DSG2: variants seen among roughly 807,000 people sequenced by gnomAD.
DSG2 encodes desmoglein 2, also known as desmoglein-2.
DSG2 carries 45 observed loss-of-function variants against 75.6 expected under a neutral mutation model. The ratio of observed to expected loss-of-function variants is 0.60; its 90% CI spans 0.47 to 0.76. The LOEUF is 0.76. DSG2 is among the 30% of genes least tolerant of loss of function. The pLI is 0.00. For synonymous variants in DSG2, 429 were observed against 483.9 expected, an observed-to-expected ratio of 0.89 and a Z score of 1.49; for missense variants, 1,267 against 1,357.4, an observed-to-expected ratio of 0.93 and a Z score of 1.05.
intron 1 of DSG2, among the ~76,000 whole-genome samples, chr18:31,516,562 T>C (rs548625745): frequency 4.0e-4 from 61 of 152,192 alleles, no homozygotes; most frequent in Non-Finnish European, 5.0e-4. Flanking sequence ...GAAAGGGTTG[T>C]TAACAGATGG....
rs1401989076 is a variant in DSG2, at chr18:31,498,202, A to C, written c.-50A>C. The C allele has an allele frequency of 8.1e-7, 1 of 1,232,216 alleles. No homozygotes were observed. 76.3% of individuals were successfully genotyped at this position (1,232,216 alleles called of 1,614,324 possible). A position where few individuals can be genotyped will look rare whatever the true frequency, so the allele number is the denominator to read the frequency against. ...GAGGAGCCGAGTGCGCGCTCGGGGCAGGCGGCGGCGCGGAGCGGTGCGGCG... is the reference window on the plus strand; with the variant it reads ...GAGGAGCCGAGTGCGCGCTCGGGGCCGGCGGCGGCGCGGAGCGGTGCGGCG... On this transcript the variant is annotated 5_prime_UTR_variant, in exon 1 of 15. Coordinates refer to ENST00000261590, the MANE Select transcript of DSG2 (RefSeq NM_001943.5).
chr18:31,541,796 T>G (rs1012579654), intron 13 of DSG2, among the ~76,000 whole-genome samples: 1 of 152,216 alleles, frequency 6.6e-6, no homozygotes. Context: ...CCATCTGTTA[T>G]GAGCACCATT....
chr18:31,525,001 C>G, intron 8 of DSG2, 113 bp downstream of exon 8: 1 of 1,022,258 alleles, frequency 9.8e-7, no homozygotes, highest in Non-Finnish European at 1.5e-6. Context: ...TTAACTAGCA[C>G]TACAGTTGTT....
At position 31,523,562 on chromosome 18, in the gene DSG2, T is replaced by G. The variant is rs189982900; in HGVS notation, c.691-886T>G. ...TAGAATGGAAAAGTGTTACTTTGCA[T>G]TAGTAGTGTGATTTTAAACAAGCTG... is the stretch of plus-strand genomic sequence containing the variant. On this transcript the variant is annotated intron_variant, in intron 6 of 14. Transcript: ENST00000261590. 4.6e-5 allele frequency among the ~76,000 whole-genome samples: 7 copies of G among 152,306 alleles called. No individual in the cohort carries two copies. The East Asian group carries it at 1.3e-3, about 29-fold the overall frequency.
intron 9 of DSG2, among the ~76,000 whole-genome samples, chr18:31,533,223 A>T (rs1423611910): frequency 6.6e-6 from 1 of 152,148 alleles, no homozygotes; most frequent in East Asian, 1.9e-4. Context: ...GCATCTCAGC[A>T]CTCAAGAATC....
chr18:31,525,162 C>T (rs2073156180), intron 8 of DSG2, among the ~76,000 whole-genome samples: 1 of 152,280 alleles, frequency 6.6e-6, no homozygotes, highest in South Asian at 2.1e-4. Flanking sequence ...TTTCTTGCAG[C>T]TCATACCTGG....
chr18:31,526,099 G>A (rs748288665), intron 8 of DSG2, among the ~76,000 whole-genome samples: 5 of 152,102 alleles, frequency 3.3e-5, no homozygotes, highest in Non-Finnish European at 5.9e-5. Context: ...AGCCAAGATC[G>A]TGCCATTGCC....
At chr18:31,517,054 A>G (rs1184406582) in intron 1 of DSG2, among the ~76,000 whole-genome samples, 1 of 152,242 alleles carries the variant, frequency 6.6e-6, no homozygotes, top group Admixed American at 6.5e-5. Context: ...TTGAGCCAAG[A>G]GAAGAAGGAA....
chr18:31,522,399 C>A, intron 6 of DSG2, 150 bp downstream of exon 6: 1 of 739,792 alleles, frequency 1.4e-6, no homozygotes, highest in Non-Finnish European at 2.2e-6. Flanking sequence ...ATGTGCTGTC[C>A]AATATGGGCC....
intron 1 of DSG2, among the ~76,000 whole-genome samples, chr18:31,499,531 C>G (rs2073003329): frequency 1.3e-5 from 2 of 152,262 alleles, no homozygotes; most frequent in South Asian, 4.1e-4. Context: ...TCCCCGTGTC[C>G]TTGAGGTAAC....
chr18:31,531,685 A>G (rs993538971), intron 9 of DSG2, among the ~76,000 whole-genome samples: 8 of 152,250 alleles, frequency 5.3e-5, no homozygotes, highest in Non-Finnish European at 7.3e-5. Flanking sequence ...CTTAACGCAT[A>G]TATCTTGGGA....
At chr18:31,525,204 T>C (rs1033595141) in intron 8 of DSG2, among the ~76,000 whole-genome samples, 2 of 152,164 alleles carry the variant, frequency 1.3e-5, no homozygotes, top group Non-Finnish European at 2.9e-5. Context: ...ATCTCTTGCC[T>C]CTACTGAGTA....
rs892939737 is a variant in DSG2 at position 31,536,419 on chromosome 18, A to C, written c.1641A>C (p.Ala547=). ...GCATGGCAGAAAAATGGAAAATAGC[A>C]CGCCAAGAAAGTAAGCAAAATCACT... is the stretch of plus-strand genomic sequence containing the variant. ...PPGMAEKWKI[A]RQESTSVLLQ... The change falls in exon 11 of 15, where the codon GCA becomes GCC. Residue 547 remains alanine (A), a synonymous_variant. Coordinates refer to ENST00000261590, the MANE Select transcript of DSG2 (RefSeq NM_001943.5). 6.2e-7 allele frequency: 1 copy of C among 1,613,402 alleles called. No individual in the cohort carries two copies. The highest frequency in any genetic ancestry group is 8.5e-7 in the Non-Finnish European group (1 of 1,180,014).
At position 31,524,514 on chromosome 18, in the gene DSG2, G is replaced by A. The variant is rs1364237285; in HGVS notation, c.757G>A (p.Val253Ile). Reference sequence around the variant, plus strand: ...CAATGGAGAAGTTACAGACAAACCTGTAAAACAAGCTCAAGTTCAGATTCG... The same window carrying A: ...CAATGGAGAAGTTACAGACAAACCTATAAAACAAGCTCAAGTTCAGATTCG... ...DGNGEVTDKPVKQAQVQIRIL... is the reference protein window; with the variant it reads ...DGNGEVTDKPIKQAQVQIRIL... The change falls in exon 7 of 15, where the codon GTA (valine) becomes ATA (isoleucine). Residue 253 changes from valine (V) to isoleucine (I), a missense_variant. Transcript: ENST00000261590. 6.2e-7 allele frequency: 1 copy of A among 1,614,118 alleles called. No individual in the cohort carries two copies. Among genetic ancestry groups the A allele is most frequent in the Admixed American group, 1.7e-5 (1 of 60,024 alleles).
intron 8 of DSG2, among the ~76,000 whole-genome samples, chr18:31,529,521 T>C (rs990269798): frequency 6.6e-6 from 1 of 152,186 alleles, no homozygotes; most frequent in Non-Finnish European, 1.5e-5. Flanking sequence ...TTTTCTCCTG[T>C]GTCCTTGTCT....
chr18:31,503,744 G>T (rs985030215), intron 1 of DSG2, among the ~76,000 whole-genome samples: 1 of 152,188 alleles, frequency 6.6e-6, no homozygotes, highest in Non-Finnish European at 1.5e-5. Flanking sequence ...AAAGCCCAGA[G>T]ACCATGGGGT....
Position 31,548,664 on chromosome 18 carries a change from G to T in DSG2, c.*1921G>T, listed in dbSNP as rs1184034440. 2 of 152,150 alleles carry T rather than the reference G, an allele frequency of 1.3e-5. No individual in the cohort carries two copies. The highest frequency in any genetic ancestry group is 4.8e-5 in the African/African-American group (2 of 41,430). 9.4% of individuals were successfully genotyped at this position (152,150 alleles called of 1,614,324 possible). On this transcript the variant is annotated 3_prime_UTR_variant, in exon 15 of 15. Transcript: ENST00000261590. ...CACTTGTGTACTCAAACAAAAGTTG[G>T]TCTTAAGCTTCCACCTTGAGCAGCC... is the stretch of plus-strand genomic sequence containing the variant.
At chr18:31,519,169 G>A (rs2073112049) in intron 2 of DSG2, among the ~76,000 whole-genome samples, 4 of 152,110 alleles carry the variant, frequency 2.6e-5, no homozygotes, top group Admixed American at 2.6e-4. Context: ...GACATGATCT[G>A]TTATTTTTTA....
At chr18:31,523,499 A>G (rs1010555713) in intron 6 of DSG2, among the ~76,000 whole-genome samples, 2 of 152,236 alleles carry the variant, frequency 1.3e-5, no homozygotes, top group Non-Finnish European at 2.9e-5. Flanking sequence ...GAATATGATT[A>G]CACCTAAAAT....
Sources: allele counts gnomAD v4.1 joint callset (sites outside exome capture counted in the v4.1 genomes callset), GRCh38; gene constraint gnomAD v4.1.1; transcripts MANE v1.5; gene names NCBI Gene and HGNC (gene_info 2026-07-23, HGNC 2026-07-21).